C8orf34: variants seen among roughly 807,000 people sequenced by gnomAD.
The protein encoded by C8orf34 is uncharacterized protein C8orf34.
In C8orf34, 65 loss-of-function variants were observed where a neutral mutation model predicts 68.3. That is an observed-to-expected ratio of 0.95 (90% CI 0.78 to 1.17). C8orf34 has a LOEUF of 1.17. C8orf34 is among the 50% of genes most tolerant of loss of function. The pLI is 0.00. For synonymous variants in C8orf34, 244 were observed against 241.2 expected, an observed-to-expected ratio of 1.01 and a Z score of -0.11; for missense variants, 664 against 655.4, an observed-to-expected ratio of 1.01 and a Z score of -0.14.
intron 1 of C8orf34, among the ~76,000 whole-genome samples, chr8:68,385,134 C>A (rs537346563): frequency 5.2e-4 from 79 of 152,250 alleles, no homozygotes; most frequent in African/African-American, 1.8e-3. Flanking sequence ...AATACCTCAC[C>A]ACAATTACTA....
chr8:68,778,064 A>C (rs1823572418), intron 11 of C8orf34, among the ~76,000 whole-genome samples: 1 of 152,186 alleles, frequency 6.6e-6, no homozygotes, highest in East Asian at 1.9e-4. Context: ...TTAATTAGTA[A>C]ACTATTAACT....
chr8:68,512,202 A>G (rs1293997967), intron 5 of C8orf34, among the ~76,000 whole-genome samples: 3 of 152,242 alleles, frequency 2.0e-5, no homozygotes, highest in Admixed American at 1.3e-4. Context: ...GTGGTTTACC[A>G]TAACTTAACA....
At chr8:68,466,320 G>A (rs1048870816) in intron 3 of C8orf34, among the ~76,000 whole-genome samples, 1 of 151,972 alleles carries the variant, frequency 6.6e-6, no homozygotes, top group South Asian at 2.1e-4. Flanking sequence ...TTTGATAGAA[G>A]AGTAGGGTGA....
chr8:68,732,043 G>A (rs926308347), intron 10 of C8orf34, among the ~76,000 whole-genome samples: 9 of 152,212 alleles, frequency 5.9e-5, no homozygotes, highest in African/African-American at 2.2e-4. Flanking sequence ...TTGATGTGAA[G>A]GTGTTGGGAC....
Position 68,774,327 on chromosome 8 carries a change from G to GTATA in C8orf34, c.1405-2071_1405-2070insATAT, listed in dbSNP as rs1332535200. ...TATCTATGTATAAAAATATGGGTGT[G>GTATA]TGTGTATATATATATATATATAAAA... On this transcript the variant is annotated intron_variant, in intron 10 of 13. Transcript: ENST00000518698. Among the ~76,000 whole-genome samples the GTATA allele has an allele frequency of 3.2e-4, 31 of 96,104 alleles. 3 individuals are homozygous for GTATA. The highest frequency in any genetic ancestry group is 6.2e-3 in the Middle Eastern group (1 of 162). 63.0% of individuals were successfully genotyped at this position (96,104 alleles called of 152,430 possible).
intron 7 of C8orf34, among the ~76,000 whole-genome samples, chr8:68,607,979 A>G (rs1326281479): frequency 6.6e-5 from 10 of 152,124 alleles, no homozygotes; most frequent in African/African-American, 2.2e-4. Flanking sequence ...TGAAGTTCCT[A>G]AAAGTGAGGT....
At chr8:68,673,889 G>A (rs1820097616) in intron 8 of C8orf34, among the ~76,000 whole-genome samples, 1 of 152,146 alleles carries the variant, frequency 6.6e-6, no homozygotes, top group African/African-American at 2.4e-5. Flanking sequence ...TGACCACAGG[G>A]GTACTTGTGT....
At chr8:68,723,217 G>T (rs867498339) in intron 10 of C8orf34, among the ~76,000 whole-genome samples, 1 of 151,968 alleles carries the variant, frequency 6.6e-6, no homozygotes, top group Non-Finnish European at 1.5e-5. Flanking sequence ...AGTTTTACTC[G>T]TGGAGTGATA....
chr8:68,377,238 T>A (rs1380858505), intron 1 of C8orf34, among the ~76,000 whole-genome samples: 1 of 151,160 alleles, frequency 6.6e-6, no homozygotes, highest in Non-Finnish European at 1.5e-5. Context: ...TAAAAAGAAA[T>A]AAAAAAAATG....
chr8:68,542,693 GAGAGA>G (rs1323076294), intron 7 of C8orf34, among the ~76,000 whole-genome samples: 1 of 152,088 alleles, frequency 6.6e-6, no homozygotes, highest in Non-Finnish European at 1.5e-5. Flanking sequence ...GCTTTCAACT[GAGAGA>G]TAGAAAGTCT....
At chr8:68,627,023 T>C (rs901901262) in intron 7 of C8orf34, among the ~76,000 whole-genome samples, 14 of 152,230 alleles carry the variant, frequency 9.2e-5, no homozygotes, top group African/African-American at 3.4e-4. Context: ...AAAATGGTAA[T>C]TAAAATGATG....
intron 7 of C8orf34, among the ~76,000 whole-genome samples, chr8:68,547,403 AAAG>A (rs1183698752): frequency 6.6e-6 from 1 of 151,782 alleles, no homozygotes; most frequent in Non-Finnish European, 1.5e-5. Flanking sequence ...TGCTTCCCAA[AAAG>A]AAGACTTCCA....
At chr8:68,368,964 T>C (rs1807436146) in intron 1 of C8orf34, among the ~76,000 whole-genome samples, 1 of 152,224 alleles carries the variant, frequency 6.6e-6, no homozygotes, top group Non-Finnish European at 1.5e-5. Context: ...ATATGTAACT[T>C]AAAATCTGAA....
intron 12 of C8orf34, among the ~76,000 whole-genome samples, chr8:68,804,291 G>A (rs148909889): frequency 0.01 from 1,556 of 152,292 alleles, 13 homozygotes; most frequent in Non-Finnish European, 0.015. Context: ...AGGACAGATA[G>A]CAGATGTTAC....
At chr8:68,710,457 C>A (rs892931786) in intron 9 of C8orf34, among the ~76,000 whole-genome samples, 2 of 152,036 alleles carry the variant, frequency 1.3e-5, no homozygotes, top group Non-Finnish European at 2.9e-5. Flanking sequence ...GTGTACCAGC[C>A]TTTAGGACTA....
chr8:68,464,408 C>G (rs1170455750), intron 3 of C8orf34, among the ~76,000 whole-genome samples: 2 of 151,916 alleles, frequency 1.3e-5, no homozygotes. Flanking sequence ...CCATCCCCAT[C>G]AAGCTACCAA....
At chr8:68,338,084 A>C (rs996011774) in intron 1 of C8orf34, among the ~76,000 whole-genome samples, 68 of 152,194 alleles carry the variant, frequency 4.5e-4, no homozygotes, top group African/African-American at 1.6e-3. Flanking sequence ...TTTATTTCTC[A>C]CAGATCTGGA....
intron 1 of C8orf34, among the ~76,000 whole-genome samples, chr8:68,364,753 G>T (rs1254966078): frequency 9.1e-5 from 13 of 142,124 alleles, no homozygotes; most frequent in Admixed American, 2.8e-4. Flanking sequence ...GCAGTGTGTA[G>T]AGGGAAATTT....
intron 7 of C8orf34, among the ~76,000 whole-genome samples, chr8:68,624,419 G>T (rs781567578): frequency 5.9e-5 from 9 of 152,106 alleles, no homozygotes; most frequent in Non-Finnish European, 1.2e-4. Flanking sequence ...TCTGTAGAAG[G>T]TGCATGTATA....
Sources: gnomAD v4.1 joint callset for allele counts (sites outside exome capture counted in the v4.1 genomes callset) on GRCh38, gnomAD v4.1.1 for gene constraint, MANE v1.5 for transcripts, NCBI Gene and HGNC (gene_info 2026-07-23, HGNC 2026-07-21) for gene names.